ARMC2: variants seen among roughly 807,000 people sequenced by gnomAD.
ARMC2 encodes the protein armadillo repeat-containing protein 2.
In ARMC2, 67 loss-of-function variants were observed where a neutral mutation model predicts 90.3. The ratio of observed to expected loss-of-function variants is 0.74; its 90% CI spans 0.61 to 0.91. ARMC2 has a LOEUF of 0.91. Ranked by LOEUF, ARMC2 falls within the 40% of genes least tolerant of loss-of-function variation. ARMC2 has a pLI of 0.00. For synonymous variants in ARMC2, 393 were observed against 393.0 expected, an observed-to-expected ratio of 1.00 and a Z score of 0.00; for missense variants, 920 against 1,030.9, an observed-to-expected ratio of 0.89 and a Z score of 1.47.
intron 13 of ARMC2, among the ~76,000 whole-genome samples, chr6:108,957,441 C>G (rs1190811452): frequency 6.6e-6 from 1 of 152,222 alleles, no homozygotes; most frequent in African/African-American, 2.4e-5. Context: ...TAGAGCAACG[C>G]AGGGCCAGTG....
At chr6:108,938,648 G>A (rs932078850) in intron 12 of ARMC2, among the ~76,000 whole-genome samples, 1 of 74,712 alleles carries the variant, frequency 1.3e-5, no homozygotes, top group African/African-American at 4.7e-5. Flanking sequence ...GGTGATTTAG[G>A]TGTCTTTAAT....
chr6:108,866,680 A>G (rs893302289), intron 3 of ARMC2, among the ~76,000 whole-genome samples: 4 of 152,244 alleles, frequency 2.6e-5, no homozygotes, highest in African/African-American at 4.8e-5. Context: ...ACAAGTTCAC[A>G]TAACTAGTGA....
At chr6:109,006,828 C>A in the ARMC2 span, among the ~76,000 whole-genome samples, 308 of 152,300 alleles carry the variant, frequency 2.0e-3, 2 homozygotes, top group African/African-American at 7.1e-3. Flanking sequence ...ATGGGGTGAT[C>A]ATAAGCCAAA....
the ARMC2 span, chr6:108,988,625 A>C: frequency 6.2e-7 from 1 of 1,613,078 alleles, no homozygotes; most frequent in Non-Finnish European, 8.5e-7. Flanking sequence ...AACAGTTTTG[A>C]TATAAACTTT....
intron 5 of ARMC2, among the ~76,000 whole-genome samples, chr6:108,891,767 A>T (rs1172000192): frequency 2.0e-5 from 3 of 152,070 alleles, no homozygotes; most frequent in African/African-American, 7.2e-5. Flanking sequence ...CCCATTTGTC[A>T]ATTTTGGCTT....
chr6:108,974,698 C>T (rs1405760592), downstream of ARMC2, among the ~76,000 whole-genome samples: 1 of 152,052 alleles, frequency 6.6e-6, no homozygotes, highest in Non-Finnish European at 1.5e-5. Flanking sequence ...CTTTTATAAA[C>T]AGCTCATTTC....
chr6:108,899,813 C>T (rs559786949), intron 7 of ARMC2, 21 bp downstream of exon 7: 1 of 1,562,836 alleles, frequency 6.4e-7, no homozygotes, highest in Non-Finnish European at 8.7e-7. Context: ...AACAAACAAA[C>T]AAAAAACCGT....
At chr6:108,983,677 G>A in the ARMC2 span, among the ~76,000 whole-genome samples, 208 of 152,308 alleles carry the variant, frequency 1.4e-3, 2 homozygotes, top group East Asian at 0.024. Context: ...CAGGGAGTGT[G>A]AGACCTCCAA....
chr6:108,898,045 T>G (rs1021075704), intron 6 of ARMC2, among the ~76,000 whole-genome samples: 3 of 152,118 alleles, frequency 2.0e-5, no homozygotes, highest in African/African-American at 7.2e-5. Flanking sequence ...ATCCCAATAT[T>G]TAGAGATAAC....
chr6:109,018,925 C>T, the ARMC2 span, among the ~76,000 whole-genome samples: 2 of 152,114 alleles, frequency 1.3e-5, no homozygotes, highest in East Asian at 3.8e-4. Context: ...CTGTGTGAAT[C>T]AGATTTTCTT....
At chr6:108,899,876 C>CTGGA in intron 7 of ARMC2, 84 bp downstream of exon 7, 1 of 1,005,542 alleles carries the variant, frequency 9.9e-7, no homozygotes, top group Non-Finnish European at 1.5e-6. Context: ...TCCCCATTGC[C>CTGGA]CTGATATTTT....
rs370569927 is a variant in ARMC2 at position 108,937,996 on chromosome 6, G to T, written c.1596+997G>T. ...ATTATAGGCGTGAGCCACTGCACCC[G>T]GCCACAGGCATTAATTTTTATTATA... On this transcript the variant is annotated intron_variant, in intron 12 of 17. Coordinates refer to ENST00000392644, the MANE Select transcript of ARMC2 (RefSeq NM_032131.6). Among the ~76,000 whole-genome samples, 219 of 152,260 alleles carry T rather than the reference G, an allele frequency of 1.4e-3. 1 individual carries two copies. The highest frequency in any genetic ancestry group is 1.6e-3 in the Non-Finnish European group (107 of 68,040).
the ARMC2 span, chr6:109,000,540 T>G: frequency 6.2e-7 from 1 of 1,611,152 alleles, no homozygotes; most frequent in Non-Finnish European, 8.5e-7. Context: ...TAACACTTTG[T>G]TAAGTTCTCC....
chr6:108,848,770 C>G (rs1381419614), intron 1 of ARMC2: 1 of 152,414 alleles, frequency 6.6e-6, no homozygotes, highest in African/African-American at 2.4e-5. Context: ...TGGCCGGGAC[C>G]GTGGAGGAGC....
At chr6:108,849,136 T>C (rs1303101838) in intron 1 of ARMC2, among the ~76,000 whole-genome samples, 1 of 152,200 alleles carries the variant, frequency 6.6e-6, no homozygotes, top group Non-Finnish European at 1.5e-5. Flanking sequence ...TGTGTAACAA[T>C]ATTTAACATA....
At chr6:108,860,564 A>G (rs1287091079) in intron 3 of ARMC2, among the ~76,000 whole-genome samples, 1 of 150,324 alleles carries the variant, frequency 6.7e-6, no homozygotes, top group African/African-American at 2.5e-5. Context: ...CAGGAGACTG[A>G]GGCAGGAGAA....
the ARMC2 span, among the ~76,000 whole-genome samples, chr6:109,043,481 T>C: frequency 2.0e-5 from 3 of 152,216 alleles, no homozygotes; most frequent in Non-Finnish European, 4.4e-5. Context: ...AAGGAATTTA[T>C]AAAAAACAAC....
At chr6:108,986,506 C>T in the ARMC2 span, 10 of 152,768 alleles carry the variant, frequency 6.5e-5, no homozygotes, top group East Asian at 7.7e-4. Flanking sequence ...AAGCAATTCA[C>T]GCTTCCAGAA....
At position 108,878,695 on chromosome 6, in the gene ARMC2, G is replaced by C. The variant is rs76988911; in HGVS notation, c.671+2345G>C. On this transcript the variant is annotated intron_variant, in intron 5 of 17. Coordinates refer to ENST00000392644, the MANE Select transcript of ARMC2 (RefSeq NM_032131.6). ...TTAACTTTACAAAAGAGAACACACT[G>C]TCAAGCACTTACGGAACTGTCATCC... 4.2e-3 allele frequency among the ~76,000 whole-genome samples: 639 copies of C among 152,264 alleles called. 3 individuals carry two copies. The highest frequency in any genetic ancestry group is 0.014 in the African/African-American group (599 of 41,522).
Sources: allele counts gnomAD v4.1 joint callset (sites outside exome capture counted in the v4.1 genomes callset), GRCh38; gene constraint gnomAD v4.1.1; transcripts MANE v1.5; gene names NCBI Gene and HGNC (gene_info 2026-07-23, HGNC 2026-07-21).